The following PI4K2B variants were observed in gnomAD, a reference collection of about 807,000 sequenced individuals.
PI4K2B encodes the protein phosphatidylinositol 4-kinase type 2-beta.
In PI4K2B, 46 loss-of-function variants were observed where a neutral mutation model predicts 56.6. The ratio of observed to expected loss-of-function variants is 0.81; its 90% CI spans 0.64 to 1.04. The LOEUF is 1.04. Ranked by LOEUF, PI4K2B falls within the 50% of genes least tolerant of loss-of-function variation. The probability of loss-of-function intolerance (pLI) is 0.00; values close to 1 mark genes in which losing one functional copy is unlikely to be tolerated. For synonymous variants in PI4K2B, 211 were observed against 223.8 expected, an observed-to-expected ratio of 0.94 and a Z score of 0.51; for missense variants, 556 against 607.7, an observed-to-expected ratio of 0.91 and a Z score of 0.89.
In PI4K2B at chr4:25,248,917, T is replaced by A. The variant is rs568292814; in HGVS notation, c.269-3404T>A. On this transcript the variant is annotated intron_variant, in intron 1 of 9. Transcript: ENST00000264864. ...TGGAGGGAAGGTCAGCAGATAAACATGTGAACAAAGGTCTCTGGTTTTATA... is the reference window on the plus strand; with the variant it reads ...TGGAGGGAAGGTCAGCAGATAAACAAGTGAACAAAGGTCTCTGGTTTTATA... Among the ~76,000 whole-genome samples the A allele has an allele frequency of 7.0e-4, 107 of 152,262 alleles. 2 individuals are homozygous for A. The South Asian group carries it at 0.021, about 30-fold the overall frequency.
At chr4:25,269,871 AC>A (rs928631845) in intron 9 of PI4K2B, among the ~76,000 whole-genome samples, 17 of 150,268 alleles carry the variant, frequency 1.1e-4, no homozygotes, top group Non-Finnish European at 2.2e-4. Flanking sequence ...CCACCACCAC[AC>A]CCGGCTGATT....
Position 25,234,224 on chromosome 4 carries a change from G to A in PI4K2B, c.61G>A (p.Glu21Lys). ...CGCGGACGGCGGGAGCCCGGAGGAG[G>A]AGGAGGATGGGGAGCGGGAGCCGCT... ...ASADGGSPEE[E>K]EDGEREPLLP... is the part of the protein sequence containing the mutation. The change falls in exon 1 of 10, where the codon GAG becomes AAG. Residue 21 changes from glutamate to lysine, a missense_variant. By Grantham distance (56) the Glu-to-Lys change is moderately conservative (BLOSUM62 1). Coordinates refer to ENST00000264864, the MANE Select transcript of PI4K2B (RefSeq NM_018323.4). 1 of 1,424,850 alleles carries A rather than the reference G, an allele frequency of 7.0e-7. No individual in the cohort carries two copies. Among genetic ancestry groups the A allele is most frequent in the Non-Finnish European group, 9.2e-7 (1 of 1,088,692 alleles). The allele number at this position is 1,424,850 out of a possible 1,614,324, so 88.3% of individuals were successfully genotyped here. A position where few individuals can be genotyped will look rare whatever the true frequency, so the allele number is the denominator to read the frequency against.
chr4:25,253,939 T>G (rs1016335675), intron 2 of PI4K2B, among the ~76,000 whole-genome samples: 39 of 152,000 alleles, frequency 2.6e-4, no homozygotes, highest in African/African-American at 9.2e-4. Context: ...GCCGAGCTAA[T>G]TGTTGTATTT....
chr4:25,255,320 C>A, intron 3 of PI4K2B, 55 bp downstream of exon 3: 1 of 1,402,316 alleles, frequency 7.1e-7, no homozygotes, highest in South Asian at 1.2e-5. Flanking sequence ...CTGCTTATAT[C>A]TGAATATTTC....
At chr4:25,255,015 T>A in intron 2 of PI4K2B, 50 bp from the exon 3 acceptor site, 2 of 1,213,666 alleles carry the variant, frequency 1.6e-6, no homozygotes, top group Non-Finnish European at 2.4e-6. Context: ...TTATGGATGA[T>A]TATCTATATA....
chr4:25,263,396 A>G (rs954306423), intron 6 of PI4K2B, among the ~76,000 whole-genome samples: 1 of 152,202 alleles, frequency 6.6e-6, no homozygotes, highest in Non-Finnish European at 1.5e-5. Context: ...TGTTTAAAAA[A>G]ATTAGTAATA....
chr4:25,234,447 G>GC lies in PI4K2B; in HGVS notation c.268+20dup, dbSNP rs1221317441. On this transcript the variant is annotated intron_variant, in intron 1 of 9. Coordinates refer to ENST00000264864, the MANE Select transcript of PI4K2B (RefSeq NM_018323.4). ...GCGGTTTCAGGTGCGACCCGGCCCT[G>GC]CCCCACTCCCCGCGCCCCTCCGGGC... is the stretch of plus-strand genomic sequence containing the variant. 1 of 1,276,928 alleles carries GC rather than the reference G, an allele frequency of 7.8e-7. No individual in the cohort carries two copies. The highest frequency in any genetic ancestry group is 1.6e-5 in the African/African-American group (1 of 64,514). 79.1% of individuals were successfully genotyped at this position (1,276,928 alleles called of 1,614,324 possible).
chr4:25,234,222 A>G lies in PI4K2B; in HGVS notation c.59A>G (p.Glu20Gly). 1 of 1,421,872 alleles carries G rather than the reference A, an allele frequency of 7.0e-7. No individual in the cohort carries two copies. Among genetic ancestry groups the G allele is most frequent in the Non-Finnish European group, 9.2e-7 (1 of 1,087,054 alleles). 88.1% of individuals were successfully genotyped at this position (1,421,872 alleles called of 1,614,324 possible). ...TCCGCGGACGGCGGGAGCCCGGAGG[A>G]GGAGGAGGATGGGGAGCGGGAGCCG... is the stretch of plus-strand genomic sequence containing the variant. ...LASADGGSPEEEEDGEREPLL... is the reference protein window; with the variant it reads ...LASADGGSPEGEEDGEREPLL... The change falls in exon 1 of 10, where the codon GAG becomes GGG. Residue 20 changes from glutamate to glycine, a missense_variant. Transcript: ENST00000264864.
chr4:25,236,825 T>C (rs921934685), intron 1 of PI4K2B, among the ~76,000 whole-genome samples: 4 of 152,228 alleles, frequency 2.6e-5, no homozygotes, highest in Non-Finnish European at 4.4e-5. Flanking sequence ...GGTTTTTACC[T>C]TTAATAGGAC....
intron 1 of PI4K2B, among the ~76,000 whole-genome samples, chr4:25,249,485 C>T (rs1268698618): frequency 2.0e-5 from 3 of 147,768 alleles, no homozygotes; most frequent in Non-Finnish European, 4.4e-5. Context: ...GCGGGGGCTG[C>T]CCCCCGCCTC....
chr4:25,274,791 G>A (rs114551954), intron 9 of PI4K2B, among the ~76,000 whole-genome samples: 2,024 of 151,908 alleles, frequency 0.013, 38 homozygotes, highest in African/African-American at 0.046. Context: ...AGCAACTTCC[G>A]TTTTCCTATA....
chr4:25,272,869 A>G (rs1048451684), intron 9 of PI4K2B, among the ~76,000 whole-genome samples: 2 of 152,172 alleles, frequency 1.3e-5, no homozygotes, highest in African/African-American at 4.8e-5. Context: ...TCTCTAAAAA[A>G]AAAAAAAAAT....
Position 25,234,093 on chromosome 4 carries a change from C to A in PI4K2B, c.-71C>A, listed in dbSNP as rs1401630378. On this transcript the variant is annotated 5_prime_UTR_variant, in exon 1 of 10. Transcript: ENST00000264864. ...CTACCCGGTCGCTCCCGTTCCGCGC[C>A]ATGCAGAGCCCAGTCTCTGGCACCT... 8.3e-7 allele frequency: 1 copy of A among 1,199,160 alleles called. No homozygotes were observed. Among genetic ancestry groups the A allele is most frequent in the Non-Finnish European group, 1.0e-6 (1 of 953,902 alleles). 74.3% of individuals were successfully genotyped at this position (1,199,160 alleles called of 1,614,324 possible).
At chr4:25,255,888 G>A (rs1716246053) in intron 3 of PI4K2B, among the ~76,000 whole-genome samples, 1 of 152,038 alleles carries the variant, frequency 6.6e-6, no homozygotes, top group South Asian at 2.1e-4. Flanking sequence ...GGGACTATAG[G>A]CACATACCAT....
chr4:25,276,799 T>TTGTG lies in PI4K2B; in HGVS notation c.1273-200_1273-197dup, dbSNP rs200843512. The TTGTG allele has an allele frequency of 3.0e-4, 292 of 965,738 alleles. 1 individual carries two copies. The South Asian group carries it at 6.1e-3, about 20-fold the overall frequency. The allele number at this position is 965,738 out of a possible 1,614,324, so 59.8% of individuals were successfully genotyped here. A position where few individuals can be genotyped will look rare whatever the true frequency, so the allele number is the denominator to read the frequency against. On this transcript the variant is annotated intron_variant, in intron 9 of 9. Coordinates refer to ENST00000264864, the MANE Select transcript of PI4K2B (RefSeq NM_018323.4). ...TCTGGCAAAAGTTATTTAATGCTAATTGTGTGTGTGTGTGTGTGCGCGTGT... is the reference window on the plus strand; with the variant it reads ...TCTGGCAAAAGTTATTTAATGCTAATTGTGTGTGTGTGTGTGTGTGTGCGCGTGT...
At position 25,277,001 on chromosome 4, in the gene PI4K2B, C is replaced by T. The variant is rs1203685580; in HGVS notation, c.1273-13C>T. On this transcript the variant is annotated splice_polypyrimidine_tract_variant and intron_variant, in intron 9 of 9. Transcript: ENST00000264864. ...TCTTTTTAAATTGGTAAAAATCTCT[C>T]TTCTTCCCACAGATCTTAAACCTTA... The T allele has an allele frequency of 6.6e-7, 1 of 1,524,680 alleles. No individual in the cohort carries two copies. Among genetic ancestry groups the T allele is most frequent in the East Asian group, 2.3e-5 (1 of 43,686 alleles). The allele number at this position is 1,524,680 out of a possible 1,614,324, so 94.4% of individuals were successfully genotyped here.
chr4:25,274,754 A>G (rs1717037105), intron 9 of PI4K2B, among the ~76,000 whole-genome samples: 1 of 152,194 alleles, frequency 6.6e-6, no homozygotes, highest in Non-Finnish European at 1.5e-5. Context: ...CAATTTCTGT[A>G]ACTATTTGAA....
chr4:25,269,674 G>GT (rs1201282386), intron 9 of PI4K2B, among the ~76,000 whole-genome samples: 1 of 151,236 alleles, frequency 6.6e-6, no homozygotes, highest in Non-Finnish European at 1.5e-5. Context: ...GATTCAAATA[G>GT]TTTCTTCCCT....
intron 1 of PI4K2B, among the ~76,000 whole-genome samples, chr4:25,234,678 C>T (rs527286060): frequency 2.2e-4 from 34 of 152,358 alleles, no homozygotes; most frequent in African/African-American, 8.2e-4. Flanking sequence ...CTTTAGACCT[C>T]CCCGCAAAGT....
Sources: gnomAD v4.1 joint callset for allele counts (sites outside exome capture counted in the v4.1 genomes callset) on GRCh38, gnomAD v4.1.1 for gene constraint, MANE v1.5 for transcripts, NCBI Gene and HGNC (gene_info 2026-07-23, HGNC 2026-07-21) for gene names.